The following GALNT17 variants were observed in gnomAD, a reference collection of about 807,000 sequenced individuals.
The protein encoded by GALNT17 is UDP-GalNAc:polypeptide N-acetylgalactosaminyltransferase-like 3.
Under a neutral mutation model 63.7 loss-of-function variants are expected in GALNT17, and 29 were observed. The observed-to-expected ratio is 0.46, with a 90% confidence interval of 0.34 to 0.62. The LOEUF (loss-of-function observed/expected upper bound fraction) is 0.62, where lower values mean the gene tolerates loss of function less well. Ranked by LOEUF, GALNT17 falls within the 20% of genes least tolerant of loss-of-function variation. The pLI, the probability that GALNT17 is intolerant of heterozygous loss-of-function variation, is 0.01. For missense variants in GALNT17, 603 were observed against 799.6 expected (o/e 0.75, Z 2.97); for synonymous variants, 305 against 318.3 (o/e 0.96, Z 0.45).
chr7:71,180,307 G>T (rs912327930), intron 1 of GALNT17, among the ~76,000 whole-genome samples: 90 of 152,040 alleles, frequency 5.9e-4, no homozygotes, highest in African/African-American at 2.1e-3. Context: ...TTGTATTTTA[G>T]TAGAGACGGG....
rs79302289 is a variant in GALNT17 at position 71,337,099 on chromosome 7, T to C, written c.422+1366T>C. On this transcript the variant is annotated intron_variant, in intron 2 of 10. Transcript: ENST00000333538. ...TTTCTAAAAAAAAATCACCATGATC[T>C]CATCCCTTGGGGACAGCATCTATTG... Among the ~76,000 whole-genome samples, 305 of 152,294 alleles carry C rather than the reference T, an allele frequency of 2.0e-3. 2 individuals carry two copies. The highest frequency in any genetic ancestry group is 3.5e-3 in the Non-Finnish European group (236 of 68,016).
intron 1 of GALNT17, among the ~76,000 whole-genome samples, chr7:71,233,394 C>T (rs987560518): frequency 6.6e-6 from 1 of 152,172 alleles, no homozygotes; most frequent in Non-Finnish European, 1.5e-5. Context: ...TCTGAAGGCT[C>T]CCAAGACAGT....
In GALNT17 at chr7:71,677,279, G is replaced by A; in HGVS notation, c.1473G>A (p.Leu491=). The A allele has an allele frequency of 6.2e-7, 1 of 1,613,916 alleles. No homozygotes were observed. Among genetic ancestry groups the A allele is most frequent in the Non-Finnish European group, 8.5e-7 (1 of 1,179,946 alleles). ...QGPLENHTAI[L]YPCHGWGPQL... ...CGCTGGAGAACCACACAGCAATATT[G>A]TATCCGTGCCATGGCTGGGGACCAC... Residue 491 remains leucine, a synonymous_variant, in exon 9 of 11, where the codon TTG becomes TTA. Coordinates refer to ENST00000333538, the MANE Select transcript of GALNT17 (RefSeq NM_022479.3).
chr7:71,258,272 G>T (rs1024591014), intron 1 of GALNT17, among the ~76,000 whole-genome samples: 1 of 152,194 alleles, frequency 6.6e-6, no homozygotes, highest in Admixed American at 6.5e-5. Flanking sequence ...AATACTAGAA[G>T]ATCTGAAGCT....
At chr7:71,313,593 A>G (rs17628870) in intron 1 of GALNT17, among the ~76,000 whole-genome samples, 49,315 of 152,100 alleles carry the variant, frequency 0.32, 8,506 homozygotes, top group Non-Finnish European at 0.38. Context: ...AATAACTTCA[A>G]TGTGTGTCAG....
At chr7:71,328,121 A>G (rs1267581638) in intron 1 of GALNT17, among the ~76,000 whole-genome samples, 1 of 152,224 alleles carries the variant, frequency 6.6e-6, no homozygotes, top group African/African-American at 2.4e-5. Flanking sequence ...TGGTTGCAGT[A>G]GGATGACTGA....
chr7:71,308,845 C>T (rs568740098), intron 1 of GALNT17, among the ~76,000 whole-genome samples: 1 of 151,150 alleles, frequency 6.6e-6, no homozygotes, highest in African/African-American at 2.4e-5. Flanking sequence ...TTGGGTTCAA[C>T]GGATTTCTTA....
intron 5 of GALNT17, among the ~76,000 whole-genome samples, chr7:71,525,576 A>G (rs1279470557): frequency 6.6e-6 from 1 of 151,168 alleles, no homozygotes; most frequent in Non-Finnish European, 1.5e-5. Flanking sequence ...CCTTTCGTTT[A>G]GTTCTCATTC....
chr7:71,237,531 A>G (rs1342990199), intron 1 of GALNT17, among the ~76,000 whole-genome samples: 2 of 151,192 alleles, frequency 1.3e-5, no homozygotes, highest in Admixed American at 6.6e-5. Flanking sequence ...AAAAAAAAAA[A>G]AGAAAAAACA....
intron 6 of GALNT17, among the ~76,000 whole-genome samples, chr7:71,664,654 A>G (rs1376933419): frequency 6.6e-6 from 1 of 152,182 alleles, no homozygotes; most frequent in Non-Finnish European, 1.5e-5. Context: ...AGATCATTAT[A>G]TACATCTTGT....
chr7:71,444,093 TG>T (rs1000925601), intron 5 of GALNT17, among the ~76,000 whole-genome samples: 40 of 152,350 alleles, frequency 2.6e-4, no homozygotes, highest in African/African-American at 9.4e-4. Context: ...GCAGTGTCCC[TG>T]GCCTGGCTGG....
intron 1 of GALNT17, among the ~76,000 whole-genome samples, chr7:71,170,522 G>C (rs1348297875): frequency 1.3e-5 from 2 of 152,056 alleles, no homozygotes; most frequent in African/African-American, 4.8e-5. Flanking sequence ...TTTTAGTAGA[G>C]ACGGGGTTTC....
chr7:71,227,071 C>CTA (rs1483192352), intron 1 of GALNT17, among the ~76,000 whole-genome samples: 1 of 146,898 alleles, frequency 6.8e-6, no homozygotes, highest in Non-Finnish European at 1.5e-5. Flanking sequence ...AGCATGATGG[C>CTA]TCACTCCTGT....
chr7:71,185,481 A>T (rs1188062643), intron 1 of GALNT17, among the ~76,000 whole-genome samples: 1 of 149,502 alleles, frequency 6.7e-6, no homozygotes, highest in African/African-American at 2.5e-5. Flanking sequence ...TACAGGCATG[A>T]GCCCCCATAC....
chr7:71,261,877 A>T (rs1316866733), intron 1 of GALNT17, among the ~76,000 whole-genome samples: 2 of 152,202 alleles, frequency 1.3e-5, no homozygotes, highest in African/African-American at 4.8e-5. Context: ...TGCCACCTCC[A>T]TGGAAAATGA....
intron 9 of GALNT17, among the ~76,000 whole-genome samples, chr7:71,693,263 TACACACACACACACACACAC>T (rs761584365): frequency 1.8e-5 from 2 of 108,898 alleles, no homozygotes; most frequent in South Asian, 4.6e-4. Context: ...CACACACACA[TACACACACACACACACACAC>T]ACACACACAC....
intron 5 of GALNT17, among the ~76,000 whole-genome samples, chr7:71,433,362 G>A (rs1786902953): frequency 6.6e-6 from 1 of 152,236 alleles, no homozygotes; most frequent in African/African-American, 2.4e-5. Flanking sequence ...ATCTGTGGAG[G>A]AGGGATGGAT....
chr7:71,395,601 C>T (rs1793124296), intron 3 of GALNT17, among the ~76,000 whole-genome samples: 1 of 152,160 alleles, frequency 6.6e-6, no homozygotes, highest in Non-Finnish European at 1.5e-5. Flanking sequence ...GGGTACATAT[C>T]TAGGAGTAGA....
Position 71,156,696 on chromosome 7 carries a change from GTCTC to G in GALNT17, c.238+23660_238+23663del, listed in dbSNP as rs370886888. Among the ~76,000 whole-genome samples the G allele has an allele frequency of 1.7e-3, 208 of 118,982 alleles. 6 individuals are homozygous for G. The highest frequency in any genetic ancestry group is 6.5e-3 in the African/African-American group (202 of 30,888). The allele number at this position is 118,982 out of a possible 152,430, so 78.1% of individuals were successfully genotyped here. ...TCCCTCCCTCCCTTCCTTCCTCTCT[GTCTC>G]TCTGTCTCTCTCTCTCTCTTTTCCT... On this transcript the variant is annotated intron_variant, in intron 1 of 10. Transcript: ENST00000333538.
Sources: gnomAD v4.1 joint callset for allele counts (sites outside exome capture counted in the v4.1 genomes callset) on GRCh38, gnomAD v4.1.1 for gene constraint, MANE v1.5 for transcripts, NCBI Gene and HGNC (gene_info 2026-07-23, HGNC 2026-07-21) for gene names.